The following LIFR variants were observed in gnomAD, a reference collection of about 807,000 sequenced individuals.
The protein encoded by LIFR is LIF receptor subunit alpha.
Under a neutral mutation model 122.2 loss-of-function variants are expected in LIFR, and 84 were observed. The ratio of observed to expected loss-of-function variants is 0.69; its 90% confidence interval spans 0.58 to 0.82. The LOEUF is 0.82. Ranked by LOEUF, LIFR falls within the 40% of genes least tolerant of loss-of-function variation. The pLI, the probability that LIFR is intolerant of heterozygous loss-of-function variation, is 0.00. For missense variants in LIFR, 1,294 were observed against 1,311.6 expected, an observed-to-expected ratio of 0.99 and a Z score of 0.21; for synonymous variants, 422 against 434.7, an observed-to-expected ratio of 0.97 and a Z score of 0.36.
chr5:38,491,578 G>A (rs1234152804), intron 14 of LIFR, among the ~76,000 whole-genome samples: 1 of 152,236 alleles, frequency 6.6e-6, no homozygotes, highest in Non-Finnish European at 1.5e-5. Context: ...CATTTAATTT[G>A]CAGAATGCAA....
In LIFR at chr5:38,479,029, G is replaced by C. The variant is rs1015142884; in HGVS notation, c.*2566C>G. On this transcript the variant is annotated 3_prime_UTR_variant, in exon 20 of 20. Transcript: ENST00000453190. ...CATGCAACCTTCATTGACAAACAGC[G>C]CACATTTACCAGTATCTCAGACAAC... 8 of 231,414 alleles carry C rather than the reference G, an allele frequency of 3.5e-5. No homozygotes were observed. Among genetic ancestry groups the C allele is most frequent in the Non-Finnish European group, 6.0e-5 (7 of 117,050 alleles). 14.3% of individuals were successfully genotyped at this position (231,414 alleles called of 1,614,324 possible).
intron 1 of LIFR, among the ~76,000 whole-genome samples, chr5:38,544,538 C>A (rs1747768707): frequency 6.6e-6 from 1 of 152,144 alleles, no homozygotes. Flanking sequence ...GGCCTCTACT[C>A]ATCACCTAGA....
At chr5:38,556,166 C>T (rs1748522512) in intron 1 of LIFR, among the ~76,000 whole-genome samples, 168 bp downstream of exon 1, 1 of 152,050 alleles carries the variant, frequency 6.6e-6, no homozygotes, top group South Asian at 2.1e-4. Flanking sequence ...CCCAAGGGCG[C>T]GCGGAGAGCG....
At chr5:38,494,436 T>G (rs1304832117) in intron 13 of LIFR, among the ~76,000 whole-genome samples, 1 of 145,804 alleles carries the variant, frequency 6.9e-6, no homozygotes, top group East Asian at 2.3e-4. Context: ...CACAGCGTCC[T>G]AGGAGACACC....
intron 18 of LIFR, 68 bp downstream of exon 18, chr5:38,484,702 ATAAAC>A (rs1248594227): frequency 3.0e-5 from 30 of 984,044 alleles, no homozygotes; most frequent in Non-Finnish European, 4.0e-5. Flanking sequence ...TATTTAATAC[ATAAAC>A]TAATCTTACA....
upstream of LIFR, chr5:38,557,259 C>T (rs77760852): frequency 4.2e-4 from 64 of 152,284 alleles, no homozygotes; most frequent in African/African-American, 1.5e-3. Flanking sequence ...AGTCTTGCCT[C>T]GGAGGCGGGG....
chr5:38,530,461 A>G, intron 2 of LIFR, 45 bp downstream of exon 2: 1 of 1,563,162 alleles, frequency 6.4e-7, no homozygotes, highest in Non-Finnish European at 8.8e-7. Flanking sequence ...CAAAATGGAA[A>G]TAAAACTGCA....
intron 1 of LIFR, among the ~76,000 whole-genome samples, chr5:38,571,551 A>AG (rs1409100036): frequency 6.9e-6 from 1 of 144,170 alleles, no homozygotes; most frequent in Non-Finnish European, 1.5e-5. Context: ...AAAAAAAAAA[A>AG]GCACTAGCCT....
chr5:38,498,012 AC>A (rs768189826), intron 12 of LIFR, among the ~76,000 whole-genome samples: 1 of 152,222 alleles, frequency 6.6e-6, no homozygotes, highest in Non-Finnish European at 1.5e-5. Flanking sequence ...AAACAAATGA[AC>A]ATTCAAACCT....
intron 1 of LIFR, among the ~76,000 whole-genome samples, chr5:38,531,704 A>T (rs530921907): frequency 6.6e-6 from 1 of 152,178 alleles, no homozygotes; most frequent in African/African-American, 2.4e-5. Flanking sequence ...GGGAAAAGAG[A>T]TAAGAAATGA....
chr5:38,519,080 G>T, intron 5 of LIFR, among the ~76,000 whole-genome samples: 1 of 152,320 alleles, frequency 6.6e-6, no homozygotes, highest in Middle Eastern at 3.4e-3. Flanking sequence ...ATACAAAAGA[G>T]TCAAAATATT....
chr5:38,576,437 G>C (rs1749388514), intron 1 of LIFR, among the ~76,000 whole-genome samples: 1 of 152,152 alleles, frequency 6.6e-6, no homozygotes, highest in Non-Finnish European at 1.5e-5. Context: ...GCTCAACCTT[G>C]GCACTCTTGA....
At chr5:38,507,202 C>T (rs952089217) in intron 7 of LIFR, among the ~76,000 whole-genome samples, 1 of 151,974 alleles carries the variant, frequency 6.6e-6, no homozygotes, top group African/African-American at 2.4e-5. Flanking sequence ...ACTGCTCTCC[C>T]CAGCTTTAAG....
chr5:38,563,730 C>T (rs575057360), intron 1 of LIFR, among the ~76,000 whole-genome samples: 2 of 152,294 alleles, frequency 1.3e-5, no homozygotes, highest in South Asian at 2.1e-4. Context: ...CTGTCATCTC[C>T]ATTTACAAAT....
chr5:38,507,880 G>A (rs997357120), intron 7 of LIFR, among the ~76,000 whole-genome samples: 1 of 151,894 alleles, frequency 6.6e-6, no homozygotes, highest in Non-Finnish European at 1.5e-5. Context: ...GATATTTCAG[G>A]TAACATTAAG....
At chr5:38,515,591 G>A (rs1329422140) in intron 5 of LIFR, among the ~76,000 whole-genome samples, 1 of 151,718 alleles carries the variant, frequency 6.6e-6, no homozygotes, top group Non-Finnish European at 1.5e-5. Context: ...GGCAGGCTGC[G>A]GGGAGAAGGA....
intron 1 of LIFR, among the ~76,000 whole-genome samples, chr5:38,569,222 C>T (rs1749126730): frequency 1.3e-5 from 2 of 152,214 alleles, no homozygotes; most frequent in African/African-American, 2.4e-5. Flanking sequence ...CATTCTATCT[C>T]GAGTTATACT....
intron 1 of LIFR, among the ~76,000 whole-genome samples, chr5:38,532,617 G>C (rs1442426508): frequency 6.6e-6 from 1 of 152,186 alleles, no homozygotes; most frequent in Admixed American, 6.5e-5. Flanking sequence ...CTTAACTTAA[G>C]CAGGATAATA....
At chr5:38,585,053 A>G (rs1749703435) in intron 1 of LIFR, among the ~76,000 whole-genome samples, 1 of 152,224 alleles carries the variant, frequency 6.6e-6, no homozygotes, top group Admixed American at 6.5e-5. Context: ...TTCATAGGAT[A>G]TTGTATGATG....
Sources: allele counts gnomAD v4.1 joint callset (sites outside exome capture counted in the v4.1 genomes callset), GRCh38; gene constraint gnomAD v4.1.1; transcripts MANE v1.5; gene names NCBI Gene and HGNC (gene_info 2026-07-23, HGNC 2026-07-21).